Variants in HS3ST2 observed in about 807,000 individuals in gnomAD.
HS3ST2 encodes heparan sulfate glucosamine 3-O-sulfotransferase 2.
HS3ST2 carries 17 observed loss-of-function variants against 26.3 expected under a neutral mutation model. That is an observed-to-expected ratio of 0.65 (90% confidence interval 0.44 to 0.97). HS3ST2 has a LOEUF of 0.97. HS3ST2 is among the 50% of genes least tolerant of loss of function. The pLI, the probability that HS3ST2 is intolerant of heterozygous loss-of-function variation, is 0.00. For missense variants in HS3ST2, 402 were observed against 501.2 expected, an observed-to-expected ratio of 0.80 and a Z score of 1.89; for synonymous variants, 237 against 219.2, an observed-to-expected ratio of 1.08 and a Z score of -0.72.
intron 1 of HS3ST2, among the ~76,000 whole-genome samples, chr16:22,845,745 T>C (rs528774311): frequency 6.6e-6 from 1 of 152,350 alleles, no homozygotes; most frequent in Admixed American, 6.5e-5. Context: ...TCTTTCATCA[T>C]GGCAACATTT....
chr16:22,898,881 T>G (rs1902243685), intron 1 of HS3ST2, among the ~76,000 whole-genome samples: 1 of 152,208 alleles, frequency 6.6e-6, no homozygotes, highest in African/African-American at 2.4e-5. Flanking sequence ...TAATGTATCC[T>G]GGTACGACAA....
chr16:22,876,705 A>G (rs1196279022), intron 1 of HS3ST2, among the ~76,000 whole-genome samples: 1 of 152,216 alleles, frequency 6.6e-6, no homozygotes, highest in East Asian at 1.9e-4. Context: ...CACAATTTGC[A>G]ATTGAAAAAA....
In HS3ST2 at chr16:22,905,083, C is replaced by A. The variant is rs8049673; in HGVS notation, c.486-9861C>A. Among the ~76,000 whole-genome samples the A allele has an allele frequency of 4.0e-3, 615 of 152,340 alleles. 3 individuals carry two copies. The highest frequency in any genetic ancestry group is 0.014 in the African/African-American group (588 of 41,582). ...GGAGACTGCAATGATTTTCAAGGAG[C>A]TTGGTTGCCCAGTTAGAAGCCAATA... On this transcript the variant is annotated intron_variant, in intron 1 of 1. Coordinates refer to ENST00000261374, the MANE Select transcript of HS3ST2 (RefSeq NM_006043.2).
chr16:22,856,685 G>A (rs1901600091), intron 1 of HS3ST2, among the ~76,000 whole-genome samples: 1 of 152,128 alleles, frequency 6.6e-6, no homozygotes, highest in African/African-American at 2.4e-5. Context: ...GAGCAGGAGA[G>A]GCTGTGTCTG....
chr16:22,913,735 T>C (rs1357302290), intron 1 of HS3ST2, among the ~76,000 whole-genome samples: 1 of 152,212 alleles, frequency 6.6e-6, no homozygotes, highest in Non-Finnish European at 1.5e-5. Flanking sequence ...GTGCAGTGGC[T>C]TGTGCCTATG....
At chr16:22,853,414 GAGGA>G in intron 1 of HS3ST2, among the ~76,000 whole-genome samples, 1 of 152,322 alleles carries the variant, frequency 6.6e-6, no homozygotes, top group Non-Finnish European at 1.5e-5. Context: ...CCACAGAAAA[GAGGA>G]AGGATTTCAT....
intron 1 of HS3ST2, among the ~76,000 whole-genome samples, chr16:22,818,589 T>A (rs1225716572): frequency 6.6e-6 from 1 of 152,070 alleles, no homozygotes; most frequent in East Asian, 1.9e-4. Flanking sequence ...ATAAAGATAG[T>A]TCCATACTTT....
chr16:22,847,702 T>C (rs1043065308), intron 1 of HS3ST2, among the ~76,000 whole-genome samples: 4 of 150,894 alleles, frequency 2.7e-5, no homozygotes, highest in African/African-American at 9.8e-5. Context: ...CATGATAAGC[T>C]ATTAAGCCAT....
At chr16:22,836,845 A>G (rs764255939) in intron 1 of HS3ST2, among the ~76,000 whole-genome samples, 2 of 152,106 alleles carry the variant, frequency 1.3e-5, no homozygotes, top group Non-Finnish European at 1.5e-5. Flanking sequence ...ACTAGTAGAG[A>G]CGGGGTTTCA....
chr16:22,837,499 GTATATATA>G (rs1555512081), intron 1 of HS3ST2, among the ~76,000 whole-genome samples: 1 of 144,542 alleles, frequency 6.9e-6, no homozygotes, highest in Non-Finnish European at 1.5e-5. Flanking sequence ...GTGTGTGTGT[GTATATATA>G]TGTGTATATA....
intron 1 of HS3ST2, among the ~76,000 whole-genome samples, chr16:22,875,312 A>C (rs1245955854): frequency 6.6e-6 from 1 of 152,140 alleles, no homozygotes; most frequent in Non-Finnish European, 1.5e-5. Flanking sequence ...AAAATGTTAT[A>C]GTGAGCTCAG....
intron 1 of HS3ST2, among the ~76,000 whole-genome samples, chr16:22,821,242 G>A (rs1900986282): frequency 6.6e-6 from 1 of 152,000 alleles, no homozygotes; most frequent in Non-Finnish European, 1.5e-5. Flanking sequence ...GGCACTTGCT[G>A]TACCTTGCAC....
Position 22,914,973 on chromosome 16 carries a change from A to C in HS3ST2, c.515A>C (p.Gln172Pro). The part of the protein sequence containing the change: ...RSLMPRTLES[Q>P]ITLEKTPSYF... ...CTGATGCCCAGGACCCTCGAGAGCC[A>C]GATCACGCTGGAGAAGACGCCCAGC... Residue 172 changes from glutamine to proline, a missense_variant, in exon 2 of 2, where the codon CAG (glutamine) becomes CCG (proline). Physicochemically the swap from Gln to Pro is moderately conservative, Grantham distance 76. Transcript: ENST00000261374. 1 of 1,613,590 alleles carries C rather than the reference A, an allele frequency of 6.2e-7. No individual in the cohort carries two copies. The highest frequency in any genetic ancestry group is 8.5e-7 in the Non-Finnish European group (1 of 1,179,950).
chr16:22,906,890 T>A (rs979418570), intron 1 of HS3ST2, among the ~76,000 whole-genome samples: 24 of 152,108 alleles, frequency 1.6e-4, no homozygotes, highest in African/African-American at 5.3e-4. Flanking sequence ...CCAGGTATGA[T>A]GTGAGGGAGG....
chr16:22,849,141 T>G (rs1901485935), intron 1 of HS3ST2, among the ~76,000 whole-genome samples: 1 of 152,176 alleles, frequency 6.6e-6, no homozygotes, highest in African/African-American at 2.4e-5. Flanking sequence ...AAGCATGTAA[T>G]GTGCCCTAAA....
chr16:22,814,660 C>T lies in HS3ST2; in HGVS notation c.50C>T (p.Ala17Val), dbSNP rs1900826345. 1.3e-6 allele frequency: 2 copies of T among 1,570,314 alleles called. No individual in the cohort carries two copies. The highest frequency in any genetic ancestry group is 3.7e-5 in the Admixed American group (2 of 53,854). The change falls in exon 1 of 2, where the codon GCG becomes GTG. Residue 17 changes from alanine to valine, a missense_variant. Ala to Val is a moderately conservative substitution (Grantham distance 64). Coordinates refer to ENST00000261374, the MANE Select transcript of HS3ST2 (RefSeq NM_006043.2). ...GCGGGGCCACCTCAGCCGCGGAGGG[C>T]GCGCAGGCTGCTCTTCGCCTTCACG... Reference protein sequence around the residue: ...GRAGPPQPRRARRLLFAFTLS... With the variant: ...GRAGPPQPRRVRRLLFAFTLS...
chr16:22,817,302 G>A (rs1288261953), intron 1 of HS3ST2, among the ~76,000 whole-genome samples: 1 of 151,866 alleles, frequency 6.6e-6, no homozygotes, highest in East Asian at 1.9e-4. Flanking sequence ...TCTCCCCATT[G>A]CTTGACCAGG....
chr16:22,852,929 C>T (rs888440015), intron 1 of HS3ST2, among the ~76,000 whole-genome samples: 2 of 144,658 alleles, frequency 1.4e-5, no homozygotes, highest in Admixed American at 6.7e-5. Context: ...AGAAAGGAAT[C>T]GGGTTCTGAC....
intron 1 of HS3ST2, among the ~76,000 whole-genome samples, chr16:22,878,854 T>C (rs761793634): frequency 2.0e-5 from 3 of 151,978 alleles, no homozygotes; most frequent in Non-Finnish European, 4.4e-5. Context: ...GCCAAGGCCC[T>C]GGGGTAGGCG....
Sources: gnomAD v4.1 joint callset for allele counts (sites outside exome capture counted in the v4.1 genomes callset) on GRCh38, gnomAD v4.1.1 for gene constraint, MANE v1.5 for transcripts, NCBI Gene and HGNC (gene_info 2026-07-23, HGNC 2026-07-21) for gene names.